Variants in PRKG2 observed in about 807,000 individuals in gnomAD.
PRKG2 encodes protein kinase cGMP-dependent 2, also known as cGMP-dependent protein kinase 2.
PRKG2 carries 33 observed loss-of-function variants against 97.2 expected under a neutral mutation model. The ratio of observed to expected loss-of-function variants is 0.34; its 90% CI spans 0.26 to 0.45. The LOEUF is 0.45. Among genes scored for constraint, PRKG2 ranks in the 20% least tolerant of loss-of-function variants. PRKG2 has a pLI of 1.00. For missense variants in PRKG2, 638 were observed against 900.0 expected (o/e 0.71, Z 3.73); for synonymous variants, 330 against 321.8 (o/e 1.03, Z -0.27).
intron 2 of PRKG2, among the ~76,000 whole-genome samples, chr4:81,201,389 A>G (rs1369065226): frequency 6.6e-6 from 1 of 152,206 alleles, no homozygotes; most frequent in African/African-American, 2.4e-5. Context: ...ACAGCACTGA[A>G]TCTAGAACCT....
intron 3 of PRKG2, among the ~76,000 whole-genome samples, chr4:81,172,010 G>A (rs182445847): frequency 5.1e-4 from 78 of 151,672 alleles, no homozygotes; most frequent in African/African-American, 1.8e-3. Context: ...AGAAACTTAC[G>A]CTATCTGTCT....
At chr4:81,148,166 A>G (rs1455255751) in intron 9 of PRKG2, among the ~76,000 whole-genome samples, 1 of 152,134 alleles carries the variant, frequency 6.6e-6, no homozygotes, top group Non-Finnish European at 1.5e-5. Context: ...GTCATTTTAT[A>G]ATCTTTGTTA....
chr4:81,091,219 A>G (rs1486782315), intron 18 of PRKG2, among the ~76,000 whole-genome samples: 1 of 152,174 alleles, frequency 6.6e-6, no homozygotes, highest in African/African-American at 2.4e-5. Flanking sequence ...TTAAATCTCA[A>G]TGGTATTTAG....
chr4:81,145,328 G>A (rs1747749900), intron 9 of PRKG2, among the ~76,000 whole-genome samples: 1 of 152,078 alleles, frequency 6.6e-6, no homozygotes, highest in African/African-American at 2.4e-5. Flanking sequence ...TGAATCAACA[G>A]GTTACAGGGG....
intron 17 of PRKG2, among the ~76,000 whole-genome samples, chr4:81,097,578 A>T (rs1226574758): frequency 6.6e-6 from 1 of 152,164 alleles, no homozygotes; most frequent in Non-Finnish European, 1.5e-5. Flanking sequence ...AGCTAGGAAA[A>T]TCCTAGACAG....
At chr4:81,190,795 A>G (rs1752418291) in intron 2 of PRKG2, among the ~76,000 whole-genome samples, 1 of 152,232 alleles carries the variant, frequency 6.6e-6, no homozygotes, top group Non-Finnish European at 1.5e-5. Flanking sequence ...GACACTTCTG[A>G]AAAGAAGACA....
chr4:81,127,645 G>T (rs1745735427), intron 14 of PRKG2, among the ~76,000 whole-genome samples: 1 of 152,120 alleles, frequency 6.6e-6, no homozygotes, highest in African/African-American at 2.4e-5. Flanking sequence ...TATTACTGGT[G>T]TATAAGAATG....
chr4:81,135,097 C>A (rs1353354518), intron 14 of PRKG2, 58 bp downstream of exon 14: 2 of 1,482,624 alleles, frequency 1.3e-6, no homozygotes, highest in African/African-American at 2.8e-5. Context: ...AACTAGAACA[C>A]AACTTTTGCC....
At chr4:81,129,506 T>C (rs956933799) in intron 14 of PRKG2, among the ~76,000 whole-genome samples, 3 of 152,184 alleles carry the variant, frequency 2.0e-5, no homozygotes, top group African/African-American at 4.8e-5. Context: ...GCTTTATGAA[T>C]CTGGGTTCTC....
rs1466187210 is a variant in PRKG2 at position 81,089,623 on chromosome 4, A to C, written c.*85T>G. ...AATGGTCTTCCAAAGATATTATAAT[A>C]CTCTGAAAAGAAAATAATGTGTTGG... On this transcript the variant is annotated 3_prime_UTR_variant, in exon 19 of 19. Transcript: ENST00000264399. 1 of 1,014,442 alleles carries C rather than the reference A, an allele frequency of 9.9e-7. No individual in the cohort carries two copies. The highest frequency in any genetic ancestry group is 1.5e-6 in the Non-Finnish European group (1 of 677,452). The allele number at this position is 1,014,442 out of a possible 1,614,324, so 62.8% of individuals were successfully genotyped here. A position where few individuals can be genotyped will look rare whatever the true frequency, so the allele number is the denominator to read the frequency against.
intron 2 of PRKG2, among the ~76,000 whole-genome samples, chr4:81,177,012 C>G (rs188501203): frequency 6.6e-6 from 1 of 152,172 alleles, no homozygotes; most frequent in Non-Finnish European, 1.5e-5. Flanking sequence ...GTATCCTTAT[C>G]ATCCCCTATA....
intron 1 of PRKG2, among the ~76,000 whole-genome samples, chr4:81,213,649 G>C (rs1754120866): frequency 6.6e-6 from 1 of 152,166 alleles, no homozygotes; most frequent in African/African-American, 2.4e-5. Context: ...AATGTCTGTA[G>C]CTCCAGGATA....
At position 81,186,738 on chromosome 4, in the gene PRKG2, AAAG is replaced by A. The variant is rs1751917825; in HGVS notation, c.462-11782_462-11780del. Among the ~76,000 whole-genome samples the A allele has an allele frequency of 2.6e-5, 4 of 152,198 alleles. No homozygotes were observed. The South Asian group carries it at 8.3e-4, about 32-fold the overall frequency. The stretch of plus-strand genomic sequence containing the variant: ...TAGATAGACCCCTAGCCAGACTAAT[AAAG>A]AAGAAAAGAGAGAAGAGTCCAACAG... On this transcript the variant is annotated intron_variant, in intron 2 of 18. Transcript: ENST00000264399.
At chr4:81,152,077 A>C in intron 7 of PRKG2, 23 bp from the exon 8 acceptor site, 2 of 1,550,854 alleles carry the variant, frequency 1.3e-6, no homozygotes, top group South Asian at 1.1e-5. Flanking sequence ...AAGCAATACA[A>C]ACAGAAAGAG....
At position 81,179,364 on chromosome 4, in the gene PRKG2, G is replaced by A. The variant is rs529621646; in HGVS notation, c.462-4405C>T. Among the ~76,000 whole-genome samples the A allele has an allele frequency of 5.3e-5, 8 of 152,260 alleles. No individual in the cohort carries two copies. In the South Asian group the frequency reaches 1.7e-3, roughly 32 times the overall value. On this transcript the variant is annotated intron_variant, in intron 2 of 18. Transcript: ENST00000264399. Reference sequence around the variant, plus strand: ...AACTTACTCTTCAACAGAAATAACAGAAGCCAGAACACAGTAGCATATCTT... The same window carrying A: ...AACTTACTCTTCAACAGAAATAACAAAAGCCAGAACACAGTAGCATATCTT...
At chr4:81,156,015 T>C (rs1270207466) in intron 6 of PRKG2, among the ~76,000 whole-genome samples, 3 of 151,094 alleles carry the variant, frequency 2.0e-5, no homozygotes, top group Non-Finnish European at 4.4e-5. Context: ...GAAGAAACTG[T>C]ATCAACTAAC....
chr4:81,106,697 C>T (rs772853285), intron 15 of PRKG2, among the ~76,000 whole-genome samples: 2 of 152,168 alleles, frequency 1.3e-5, no homozygotes, highest in Admixed American at 6.5e-5. Context: ...GTCTGTGTTC[C>T]ACCAAATTCA....
chr4:81,139,509 TG>T (rs1163219862), intron 12 of PRKG2, among the ~76,000 whole-genome samples: 1 of 152,024 alleles, frequency 6.6e-6, no homozygotes, highest in East Asian at 1.9e-4. Context: ...GGCTCACGCC[TG>T]TAATCCCAGC....
chr4:81,157,691 G>C (rs1467569361), intron 6 of PRKG2, among the ~76,000 whole-genome samples: 1 of 151,972 alleles, frequency 6.6e-6, no homozygotes, highest in African/African-American at 2.4e-5. Context: ...ATAAAATACT[G>C]GCAAACCGAA....
Sources: allele counts gnomAD v4.1 joint callset (sites outside exome capture counted in the v4.1 genomes callset), GRCh38; gene constraint gnomAD v4.1.1; transcripts MANE v1.5; gene names NCBI Gene and HGNC (gene_info 2026-07-23, HGNC 2026-07-21).